The following KLHL7 variants were observed in gnomAD, a reference collection of about 807,000 sequenced individuals.
The protein encoded by KLHL7 is kelch-like protein 7.
In KLHL7, 44 loss-of-function variants were observed where a neutral mutation model predicts 67.4. The observed-to-expected ratio is 0.65, with a 90% CI of 0.51 to 0.84. KLHL7 has a LOEUF of 0.84. KLHL7 is among the 40% of genes least tolerant of loss of function. KLHL7 has a pLI of 0.00. For synonymous variants in KLHL7, 252 were observed against 243.3 expected (o/e 1.04, Z -0.33); for missense variants, 362 against 718.1 (o/e 0.50, Z 5.67).
At chr7:23,150,435 CACAA>C (rs1344911427) in intron 6 of KLHL7, among the ~76,000 whole-genome samples, 2 of 152,196 alleles carry the variant, frequency 1.3e-5, no homozygotes, top group Admixed American at 6.5e-5. Context: ...ACATTTTTAA[CACAA>C]ACAGTAGTGC....
rs750799549 is a variant in KLHL7, at chr7:23,123,917, T to C, written c.223+38T>C. On this transcript the variant is annotated intron_variant, in intron 2 of 10. Transcript: ENST00000339077. Reference sequence around the variant, plus strand: ...AGGTAAAACATGCCATTATTTCTTCTATGAGAATGAAGTAAAATCTAAAAG... The same window carrying C: ...AGGTAAAACATGCCATTATTTCTTCCATGAGAATGAAGTAAAATCTAAAAG... 22 of 1,354,764 alleles carry C rather than the reference T, an allele frequency of 1.6e-5. No individual in the cohort carries two copies. The South Asian group carries it at 2.3e-4, about 14-fold the overall frequency. The allele number at this position is 1,354,764 out of a possible 1,614,324, so 83.9% of individuals were successfully genotyped here. A position where few individuals can be genotyped will look rare whatever the true frequency, so the allele number is the denominator to read the frequency against.
intron 1 of KLHL7, among the ~76,000 whole-genome samples, chr7:23,110,125 A>G (rs1258637005): frequency 6.6e-6 from 1 of 152,186 alleles, no homozygotes; most frequent in Non-Finnish European, 1.5e-5. Context: ...CCCGTGAGCA[A>G]TCTTTTTGTT....
Position 23,166,043 on chromosome 7 carries a change from C to G in KLHL7, c.1177+105C>G, listed in dbSNP as rs112646832. The G allele has an allele frequency of 9.2e-5, 121 of 1,311,530 alleles. No individual in the cohort carries two copies. The African/African-American group carries it at 1.5e-3, about 17-fold the overall frequency. 81.2% of individuals were successfully genotyped at this position (1,311,530 alleles called of 1,614,324 possible). On this transcript the variant is annotated intron_variant, in intron 8 of 10. Transcript: ENST00000339077. ...CTGGTATTATTTGTCCAGATACTTT[C>G]TTGGTAATTTAAATATGTGTTTGTC...
At chr7:23,158,605 A>G (rs1784773274) in intron 7 of KLHL7, among the ~76,000 whole-genome samples, 1 of 152,214 alleles carries the variant, frequency 6.6e-6, no homozygotes, top group Non-Finnish European at 1.5e-5. Context: ...GCTGGTTGTA[A>G]AAGTATGTTT....
chr7:23,140,873 C>T lies in KLHL7; in HGVS notation c.547C>T (p.Leu183Phe). Residue 183 changes from leucine to phenylalanine, a missense_variant, in exon 5 of 11, where the codon CTT (leucine) becomes TTT (phenylalanine). This residue lies in a region of KLHL7 where 155 missense variants were observed against 280.8 expected (regional missense o/e 0.55). Coordinates refer to ENST00000339077, the MANE Select transcript of KLHL7 (RefSeq NM_001031710.3). ...FTEVYKTDEF[L>F]QLDVKRVTHL... The stretch of plus-strand genomic sequence containing the variant: ...TGAAGTTTACAAAACTGATGAATTT[C>T]TTCAACTTGATGTCAAGCGAGTAAC... The T allele has an allele frequency of 6.2e-7, 1 of 1,614,018 alleles. No homozygotes were observed. Among genetic ancestry groups the T allele is most frequent in the Non-Finnish European group, 8.5e-7 (1 of 1,179,960 alleles).
At chr7:23,123,606 C>T (rs1783440977) in intron 1 of KLHL7, among the ~76,000 whole-genome samples, 171 bp from the exon 2 acceptor site, 1 of 152,084 alleles carries the variant, frequency 6.6e-6, no homozygotes, top group South Asian at 2.1e-4. Flanking sequence ...TACATGGCAG[C>T]GACTCTGTAA....
chr7:23,153,912 A>T (rs1314348711), intron 7 of KLHL7, among the ~76,000 whole-genome samples: 2 of 152,230 alleles, frequency 1.3e-5, no homozygotes, highest in East Asian at 3.9e-4. Flanking sequence ...TTCTTCCAAC[A>T]TGCTGTAGAT....
intron 7 of KLHL7, among the ~76,000 whole-genome samples, chr7:23,158,379 T>G (rs1784767314): frequency 6.6e-6 from 1 of 152,108 alleles, no homozygotes; most frequent in Non-Finnish European, 1.5e-5. Flanking sequence ...GAATTCACAC[T>G]CTTTACTAGA....
intron 9 of KLHL7, chr7:23,172,108 C>T: frequency 6.6e-6 from 3 of 454,670 alleles, no homozygotes; most frequent in South Asian, 1.6e-5. Context: ...TGTTGTTTGG[C>T]GTCTCTTGGT....
intron 9 of KLHL7, among the ~76,000 whole-genome samples, chr7:23,170,087 G>T (rs1003959997): frequency 1.3e-5 from 2 of 152,150 alleles, no homozygotes; most frequent in Non-Finnish European, 2.9e-5. Context: ...GGTGGCGCGT[G>T]CCTGTAATCC....
At chr7:23,116,661 A>G (rs1008375894) in intron 1 of KLHL7, among the ~76,000 whole-genome samples, 5 of 152,212 alleles carry the variant, frequency 3.3e-5, no homozygotes, top group African/African-American at 1.2e-4. Context: ...GTGGAAAATA[A>G]GAGAGCACAT....
At chr7:23,137,885 CAT>C (rs1391068040) in intron 4 of KLHL7, among the ~76,000 whole-genome samples, 1 of 134,130 alleles carries the variant, frequency 7.5e-6, no homozygotes, top group Admixed American at 8.4e-5. Flanking sequence ...TCTTAAAAAG[CAT>C]AAAACCTGGC....
Position 23,155,936 on chromosome 7 carries a change from CTTTAT to C in KLHL7, c.936+3731_936+3735del, listed in dbSNP as rs141774430. The C allele has an allele frequency of 0.94, 416,134 of 443,978 alleles. 195,449 individuals are homozygous for C. Among genetic ancestry groups the C allele is most frequent in the East Asian group, 0.99 (13,361 of 13,534 alleles). 27.5% of individuals were successfully genotyped at this position (443,978 alleles called of 1,614,324 possible). ...GGCAAATGTGGGATGACTCTTAGCA[CTTTAT>C]TTTTAGTCTGTAGTTCTAATTCTTT... is the stretch of plus-strand genomic sequence containing the variant. On this transcript the variant is annotated intron_variant, in intron 7 of 10. Transcript: ENST00000339077.
chr7:23,106,315 G>T, intron 1 of KLHL7, 169 bp downstream of exon 1: 2 of 1,476,006 alleles, frequency 1.4e-6, no homozygotes, highest in South Asian at 2.7e-5. Context: ...AGAGGGGCGC[G>T]TAAAACAATT....
intron 6 of KLHL7, among the ~76,000 whole-genome samples, chr7:23,144,238 C>A (rs1784283595): frequency 6.6e-6 from 1 of 152,214 alleles, no homozygotes; most frequent in Non-Finnish European, 1.5e-5. Flanking sequence ...ATAGAAGGTA[C>A]AAATTACTTA....
chr7:23,165,496 G>T (rs956721509), intron 7 of KLHL7, among the ~76,000 whole-genome samples: 3 of 152,158 alleles, frequency 2.0e-5, no homozygotes, highest in African/African-American at 7.2e-5. Context: ...TCATGTGCCT[G>T]CCTTTTGCCC....
rs763616087 is a variant in KLHL7, at chr7:23,174,736, G to A, written c.*438G>A. The A allele has an allele frequency of 8.8e-6, 4 of 454,966 alleles. No homozygotes were observed. Among genetic ancestry groups the A allele is most frequent in the East Asian group, 1.4e-4 (2 of 14,404 alleles). 28.2% of individuals were successfully genotyped at this position (454,966 alleles called of 1,614,324 possible). ...TAGTATGAATTGTAAGTCAAGATGG[G>A]CAACTCAGATGGAGCAGCTTAGTCT... On this transcript the variant is annotated 3_prime_UTR_variant, in exon 11 of 11. Transcript: ENST00000339077.
At chr7:23,149,887 T>TA (rs1207183346) in intron 6 of KLHL7, among the ~76,000 whole-genome samples, 1 of 152,230 alleles carries the variant, frequency 6.6e-6, no homozygotes, top group African/African-American at 2.4e-5. Context: ...AAATGATAAA[T>TA]ATTGATAAAG....
chr7:23,142,268 C>T (rs1784212759), intron 5 of KLHL7, among the ~76,000 whole-genome samples: 1 of 152,140 alleles, frequency 6.6e-6, no homozygotes, highest in South Asian at 2.1e-4. Flanking sequence ...TTTTAAGCCA[C>T]TAAGTTTGTG....
Sources: gnomAD v4.1 joint callset for allele counts (sites outside exome capture counted in the v4.1 genomes callset) on GRCh38, gnomAD v4.1.1 for gene constraint, gnomAD v4.1.1 regional missense constraint, MANE v1.5 for transcripts, NCBI Gene and HGNC (gene_info 2026-07-23, HGNC 2026-07-21) for gene names.